The following ENTREP2 variants were observed in gnomAD, a reference collection of about 807,000 sequenced individuals.
The protein encoded by ENTREP2 is protein ENTREP2.
chr15:29,360,687 C>A, the ENTREP2 span, among the ~76,000 whole-genome samples: 4 of 152,278 alleles, frequency 2.6e-5, no homozygotes, highest in Admixed American at 6.5e-5. Flanking sequence ...CTGCTTATAC[C>A]ACGTGGAACA....
At chr15:29,419,527 T>G in the ENTREP2 span, among the ~76,000 whole-genome samples, 1 of 152,092 alleles carries the variant, frequency 6.6e-6, no homozygotes, top group East Asian at 1.9e-4. Flanking sequence ...CAAGTCCCAT[T>G]CAGAGAAAAA....
At chr15:29,356,729 A>T in the ENTREP2 span, among the ~76,000 whole-genome samples, 73 of 152,188 alleles carry the variant, frequency 4.8e-4, no homozygotes, top group Non-Finnish European at 1.9e-4. Context: ...AATACTCTGG[A>T]AAAGACCAAA....
At chr15:29,586,165 A>G in the ENTREP2 span, among the ~76,000 whole-genome samples, 1 of 152,232 alleles carries the variant, frequency 6.6e-6, no homozygotes, top group African/African-American at 2.4e-5. Flanking sequence ...GATACATGCT[A>G]TAACACAGAT....
chr15:29,364,957 C>T, the ENTREP2 span, among the ~76,000 whole-genome samples: 1 of 152,120 alleles, frequency 6.6e-6, no homozygotes, highest in African/African-American at 2.4e-5. Context: ...CATTAGGGTC[C>T]ACTCTTGGTG....
chr15:29,493,343 C>T, the ENTREP2 span, among the ~76,000 whole-genome samples: 6 of 150,710 alleles, frequency 4.0e-5, no homozygotes, highest in Non-Finnish European at 8.9e-5. Flanking sequence ...CCGTTTTAGC[C>T]GGGATGGTCT....
the ENTREP2 span, among the ~76,000 whole-genome samples, chr15:29,529,297 G>A: frequency 2.0e-5 from 3 of 150,778 alleles, no homozygotes; most frequent in Admixed American, 1.3e-4. Context: ...TAAAGGCACA[G>A]GAAGGCTACG....
the ENTREP2 span, among the ~76,000 whole-genome samples, chr15:29,159,144 G>A: frequency 6.6e-6 from 1 of 152,146 alleles, no homozygotes; most frequent in Non-Finnish European, 1.5e-5. Flanking sequence ...TAAAGGTGGC[G>A]TGTCTGGAGT....
the ENTREP2 span, among the ~76,000 whole-genome samples, chr15:29,358,075 A>G: frequency 6.6e-6 from 1 of 152,158 alleles, no homozygotes; most frequent in African/African-American, 2.4e-5. Flanking sequence ...TTTCATGTCC[A>G]AGTGAGTGCC....
chr15:29,303,365 T>C, the ENTREP2 span, among the ~76,000 whole-genome samples: 4 of 152,252 alleles, frequency 2.6e-5, no homozygotes, highest in Admixed American at 2.0e-4. Flanking sequence ...TTAATGCTTT[T>C]CTCAGATGAT....
chr15:29,504,671 A>G, the ENTREP2 span, among the ~76,000 whole-genome samples: 1 of 152,192 alleles, frequency 6.6e-6, no homozygotes, highest in African/African-American at 2.4e-5. Flanking sequence ...TTCTATTTGA[A>G]GCTGGATTCA....
the ENTREP2 span, among the ~76,000 whole-genome samples, chr15:29,332,974 A>G: frequency 6.6e-6 from 1 of 152,020 alleles, no homozygotes; most frequent in African/African-American, 2.4e-5. Flanking sequence ...AAAAAAAAAA[A>G]AAAACCCTTT....
the ENTREP2 span, among the ~76,000 whole-genome samples, chr15:29,400,782 T>C: frequency 1.3e-5 from 2 of 152,244 alleles, no homozygotes; most frequent in East Asian, 1.9e-4. Context: ...AGGAGGAATC[T>C]GTGTTCTCAA....
chr15:29,556,354 C>T, the ENTREP2 span, among the ~76,000 whole-genome samples: 1 of 152,114 alleles, frequency 6.6e-6, no homozygotes. Flanking sequence ...GGTTTGGAAA[C>T]AGCAATAAGA....
the ENTREP2 span, among the ~76,000 whole-genome samples, chr15:29,472,144 T>C: frequency 6.6e-6 from 1 of 152,134 alleles, no homozygotes; most frequent in Non-Finnish European, 1.5e-5. Context: ...GGCCTCAATG[T>C]GCTCATGTTA....
the ENTREP2 span, among the ~76,000 whole-genome samples, chr15:29,317,006 A>G: frequency 6.6e-6 from 1 of 152,226 alleles, no homozygotes; most frequent in Non-Finnish European, 1.5e-5. Flanking sequence ...TTTGGTATGA[A>G]TTTAACTATG....
chr15:29,586,953 A>C, the ENTREP2 span, among the ~76,000 whole-genome samples: 21 of 152,150 alleles, frequency 1.4e-4, no homozygotes, highest in Non-Finnish European at 3.1e-4. Flanking sequence ...ATAATACAAG[A>C]TTAAGCAAAT....
chr15:29,552,231 C>T, the ENTREP2 span, among the ~76,000 whole-genome samples: 1 of 152,104 alleles, frequency 6.6e-6, no homozygotes, highest in Non-Finnish European at 1.5e-5. Flanking sequence ...AACAAAAAAA[C>T]TCGGGAGACA....
chr15:29,207,253 C>T, the ENTREP2 span, among the ~76,000 whole-genome samples: 1 of 152,166 alleles, frequency 6.6e-6, no homozygotes, highest in Non-Finnish European at 1.5e-5. Flanking sequence ...TTTGGACTGG[C>T]ATTGTGTCCA....
the ENTREP2 span, among the ~76,000 whole-genome samples, chr15:29,671,988 T>C: frequency 6.6e-6 from 1 of 152,124 alleles, no homozygotes; most frequent in African/African-American, 2.4e-5. Context: ...AGGGATTCTT[T>C]TTTTGTTTGT....
Sources: allele counts gnomAD v4.1 joint callset (sites outside exome capture counted in the v4.1 genomes callset), GRCh38; gene constraint gnomAD v4.1.1; transcripts MANE v1.5; gene names NCBI Gene and HGNC (gene_info 2026-07-23, HGNC 2026-07-21).